Variants in CPED1 observed in about 807,000 individuals in gnomAD.
CPED1 encodes cadherin-like and PC-esterase domain-containing protein 1.
In CPED1, 114 loss-of-function variants were observed where a neutral mutation model predicts 128.2. The ratio of observed to expected loss-of-function variants is 0.89; its 90% confidence interval spans 0.76 to 1.04. The LOEUF is 1.04. CPED1 is among the 50% of genes least tolerant of loss of function. The pLI is 0.00. For synonymous variants in CPED1, 462 were observed against 426.7 expected (o/e 1.08, Z -1.02); for missense variants, 1,211 against 1,207.1 (o/e 1.00, Z -0.05).
intron 16 of CPED1, among the ~76,000 whole-genome samples, chr7:121,154,579 C>T (rs1256282803): frequency 1.3e-5 from 2 of 151,832 alleles, no homozygotes; most frequent in Admixed American, 1.3e-4. Flanking sequence ...CAGAGTCTCA[C>T]TCTGTTGCCA....
At chr7:121,159,472 CG>C (rs1484318644) in intron 16 of CPED1, among the ~76,000 whole-genome samples, 11 of 151,902 alleles carry the variant, frequency 7.2e-5, no homozygotes, top group African/African-American at 2.4e-4. Flanking sequence ...TTTGTTATGC[CG>C]GGTACATGGA....
chr7:121,187,579 A>T (rs897312082), intron 16 of CPED1, among the ~76,000 whole-genome samples: 1 of 152,090 alleles, frequency 6.6e-6, no homozygotes, highest in Non-Finnish European at 1.5e-5. Flanking sequence ...TAATCTCCAA[A>T]ATTAAACTTG....
chr7:121,204,788 A>G (rs920598168), intron 16 of CPED1, among the ~76,000 whole-genome samples: 28 of 152,266 alleles, frequency 1.8e-4, no homozygotes, highest in Admixed American at 1.2e-3. Context: ...AGTGCTAGAC[A>G]TGTAGTCATT....
chr7:121,119,435 G>T (rs1795332286), intron 7 of CPED1, among the ~76,000 whole-genome samples: 1 of 150,768 alleles, frequency 6.6e-6, no homozygotes, highest in African/African-American at 2.4e-5. Context: ...AAAGTGTTGA[G>T]ATTACAGAAG....
At chr7:121,142,236 A>G (rs765710673) in intron 16 of CPED1, 95 bp downstream of exon 16, 1 of 1,148,616 alleles carries the variant, frequency 8.7e-7, no homozygotes, top group African/African-American at 1.5e-5. Flanking sequence ...AAGAAATTGT[A>G]TGCCTTGAAA....
At chr7:121,005,083 T>C (rs1166402833) in intron 2 of CPED1, among the ~76,000 whole-genome samples, 1 of 152,210 alleles carries the variant, frequency 6.6e-6, no homozygotes, top group Non-Finnish European at 1.5e-5. Context: ...GTATCCTACA[T>C]GTAATTTGAC....
At chr7:121,172,902 A>G (rs1053757824) in intron 16 of CPED1, among the ~76,000 whole-genome samples, 23 of 152,180 alleles carry the variant, frequency 1.5e-4, no homozygotes, top group Admixed American at 1.3e-4. Context: ...TTGACAGCTT[A>G]CAGATGTCCA....
chr7:121,127,056 GA>G (rs1563036155), intron 9 of CPED1, 33 bp from the exon 10 acceptor site: 2 of 1,466,062 alleles, frequency 1.4e-6, no homozygotes, highest in Non-Finnish European at 1.8e-6. Context: ...GTAAATCGAT[GA>G]AAAATATTTG....
intron 16 of CPED1, among the ~76,000 whole-genome samples, chr7:121,166,517 C>T (rs1318123425): frequency 6.6e-6 from 1 of 152,084 alleles, no homozygotes; most frequent in East Asian, 1.9e-4. Flanking sequence ...ATTCTAACAT[C>T]TCACTCAGGA....
intron 4 of CPED1, among the ~76,000 whole-genome samples, chr7:121,055,123 G>A (rs2116006708): frequency 6.6e-6 from 1 of 152,156 alleles, no homozygotes; most frequent in African/African-American, 2.4e-5. Context: ...ATCTGGATTT[G>A]TTCCAGTTTA....
intron 16 of CPED1, among the ~76,000 whole-genome samples, chr7:121,146,294 A>T (rs1447797171): frequency 6.6e-6 from 1 of 152,040 alleles, no homozygotes; most frequent in Admixed American, 6.6e-5. Flanking sequence ...TAAAGTAGTT[A>T]CCTCCAGCAC....
intron 7 of CPED1, among the ~76,000 whole-genome samples, chr7:121,103,404 T>C (rs1465457822): frequency 6.6e-6 from 1 of 152,198 alleles, no homozygotes; most frequent in Non-Finnish European, 1.5e-5. Context: ...ATGATACAGA[T>C]AAGTTTCAGA....
chr7:121,133,449 T>C (rs1795718127), intron 12 of CPED1, among the ~76,000 whole-genome samples: 2 of 152,128 alleles, frequency 1.3e-5, no homozygotes. Flanking sequence ...CTTCTCAGGC[T>C]GTGCCTTGGT....
intron 18 of CPED1, among the ~76,000 whole-genome samples, chr7:121,245,241 C>T (rs1798498778): frequency 6.6e-6 from 1 of 152,122 alleles, no homozygotes; most frequent in South Asian, 2.1e-4. Flanking sequence ...TGGACATCTT[C>T]TTCATGGTGA....
In CPED1 at chr7:121,296,766, GT is replaced by G. The variant is rs1377878509; in HGVS notation, c.*1115del. On this transcript the variant is annotated 3_prime_UTR_variant, in exon 23 of 23. Coordinates refer to ENST00000310396, the MANE Select transcript of CPED1 (RefSeq NM_024913.5). The stretch of plus-strand genomic sequence containing the variant: ...CTTTTATCTCTTTAGGTTCAAAATG[GT>G]GAATTTCTTTATTATATGAATGCTT... The G allele has an allele frequency of 6.6e-6, 1 of 152,182 alleles. No homozygotes were observed. 9.4% of individuals were successfully genotyped at this position (152,182 alleles called of 1,614,324 possible).
intron 7 of CPED1, among the ~76,000 whole-genome samples, chr7:121,123,461 A>T (rs532536152): frequency 3.9e-5 from 6 of 152,132 alleles, no homozygotes; most frequent in Admixed American, 3.9e-4. Flanking sequence ...TTCAAAAAAT[A>T]TTTTTTGTTC....
chr7:121,081,451 A>G lies in CPED1; in HGVS notation c.617-16248A>G, dbSNP rs148661643. 2.0e-5 allele frequency among the ~76,000 whole-genome samples: 3 copies of G among 152,298 alleles called. No individual in the cohort carries two copies. In the East Asian group the frequency reaches 5.8e-4, roughly 29 times the overall value. The stretch of plus-strand genomic sequence containing the variant: ...TCTATTATATAGAAAACCCCATTCA[A>G]ATCCTGTGATTCATTGCATCAATAA... On this transcript the variant is annotated intron_variant, in intron 5 of 22. Coordinates refer to ENST00000310396, the MANE Select transcript of CPED1 (RefSeq NM_024913.5).
intron 3 of CPED1, among the ~76,000 whole-genome samples, chr7:121,035,889 C>T (rs777405267): frequency 2.7e-5 from 4 of 150,250 alleles, no homozygotes; most frequent in South Asian, 4.3e-4. Flanking sequence ...CGGGTCTTTT[C>T]GTGGGAGATA....
At chr7:121,092,490 A>G (rs766039571) in intron 5 of CPED1, among the ~76,000 whole-genome samples, 2 of 152,186 alleles carry the variant, frequency 1.3e-5, no homozygotes, top group Non-Finnish European at 2.9e-5. Context: ...AGAAAAAAAA[A>G]TTAGAATCTT....
Sources: gnomAD v4.1 joint callset for allele counts (sites outside exome capture counted in the v4.1 genomes callset) on GRCh38, gnomAD v4.1.1 for gene constraint, MANE v1.5 for transcripts, NCBI Gene and HGNC (gene_info 2026-07-23, HGNC 2026-07-21) for gene names.